PPARGC1A: variants seen among roughly 807,000 people sequenced by gnomAD.
PPARGC1A encodes the protein PPARG coactivator 1 alpha.
PPARGC1A carries 25 observed loss-of-function variants against 88.7 expected under a neutral mutation model. The observed-to-expected ratio is 0.28, with a 90% CI of 0.21 to 0.39. The LOEUF is 0.39. PPARGC1A is among the 10% of genes least tolerant of loss of function. The probability of loss-of-function intolerance (pLI) is 1.00; values close to 1 mark genes in which losing one functional copy is unlikely to be tolerated. For synonymous variants in PPARGC1A, 363 were observed against 355.6 expected (o/e 1.02, Z -0.24); for missense variants, 880 against 968.7 (o/e 0.91, Z 1.22).
At chr4:24,184,445 T>G in the PPARGC1A span, among the ~76,000 whole-genome samples, 1 of 152,226 alleles carries the variant, frequency 6.6e-6, no homozygotes, top group Admixed American at 6.5e-5. Flanking sequence ...CTTTACCAGG[T>G]GCTTAATCCA....
At chr4:23,903,344 AT>A (rs1239033015), upstream of PPARGC1A, among the ~76,000 whole-genome samples, 3 of 152,174 alleles carry the variant, frequency 2.0e-5, no homozygotes, top group Admixed American at 6.5e-5. Context: ...TTTTCCACCT[AT>A]TTTGTGTAAT....
At chr4:23,861,488 A>C (rs1191802929) in intron 2 of PPARGC1A, among the ~76,000 whole-genome samples, 1 of 152,198 alleles carries the variant, frequency 6.6e-6, no homozygotes, top group Non-Finnish European at 1.5e-5. Flanking sequence ...CATAATGTTG[A>C]ACTAGAAACC....
At chr4:24,143,394 T>C in the PPARGC1A span, among the ~76,000 whole-genome samples, 6 of 152,028 alleles carry the variant, frequency 3.9e-5, no homozygotes, top group African/African-American at 1.4e-4. Flanking sequence ...AAGCAATAGC[T>C]GAAATCGAGA....
intron 1 of PPARGC1A, among the ~76,000 whole-genome samples, chr4:23,897,867 T>C (rs1304509649): frequency 1.3e-5 from 2 of 152,176 alleles, no homozygotes; most frequent in African/African-American, 2.4e-5. Flanking sequence ...TTGTTTATCA[T>C]TAATTCTGGA....
upstream of PPARGC1A, among the ~76,000 whole-genome samples, chr4:23,899,729 C>A (rs751634743): frequency 6.6e-6 from 1 of 152,056 alleles, no homozygotes; most frequent in Non-Finnish European, 1.5e-5. Flanking sequence ...TTAACCTAGG[C>A]GGCTGCAAAT....
At chr4:24,149,834 C>T in the PPARGC1A span, among the ~76,000 whole-genome samples, 1 of 152,188 alleles carries the variant, frequency 6.6e-6, no homozygotes, top group Non-Finnish European at 1.5e-5. Flanking sequence ...GAGGGTTCTT[C>T]CTGGCCTTAA....
the PPARGC1A span, among the ~76,000 whole-genome samples, chr4:24,461,035 C>T: frequency 2.6e-4 from 39 of 152,230 alleles, no homozygotes; most frequent in African/African-American, 7.5e-4. Flanking sequence ...GCCATCCTCC[C>T]GCCTCAGCCT....
chr4:23,984,720 A>G, the PPARGC1A span, among the ~76,000 whole-genome samples: 5 of 152,094 alleles, frequency 3.3e-5, no homozygotes, highest in Admixed American at 3.3e-4. Flanking sequence ...CAACATCTTC[A>G]AGTAGATGAG....
chr4:24,413,443 G>A, the PPARGC1A span, among the ~76,000 whole-genome samples: 1 of 152,196 alleles, frequency 6.6e-6, no homozygotes, highest in African/African-American at 2.4e-5. Context: ...CAGGAACACA[G>A]TGGCCAGAAG....
chr4:24,042,651 T>G, the PPARGC1A span, among the ~76,000 whole-genome samples: 1 of 152,318 alleles, frequency 6.6e-6, no homozygotes, highest in Non-Finnish European at 1.5e-5. Context: ...AATAAAAACC[T>G]TAGGTGATGT....
At chr4:24,464,217 G>C in the PPARGC1A span, among the ~76,000 whole-genome samples, 1 of 152,196 alleles carries the variant, frequency 6.6e-6, no homozygotes, top group Non-Finnish European at 1.5e-5. Context: ...ACAATAACCA[G>C]CTACTACTGC....
the PPARGC1A span, among the ~76,000 whole-genome samples, chr4:24,077,066 T>C: frequency 6.6e-6 from 1 of 152,104 alleles, no homozygotes; most frequent in Non-Finnish European, 1.5e-5. Flanking sequence ...TCTCAATATA[T>C]ACCAGCAAAT....
At chr4:23,812,625 T>G in intron 10 of PPARGC1A, 122 bp downstream of exon 10, 2 of 1,475,608 alleles carry the variant, frequency 1.4e-6, no homozygotes, top group Non-Finnish European at 1.8e-6. Flanking sequence ...GCCAAAAGGC[T>G]GAAAATGGCC....
At chr4:23,802,425 A>T in intron 10 of PPARGC1A, 80 bp from the exon 11 acceptor site, 3 of 1,556,584 alleles carry the variant, frequency 1.9e-6, no homozygotes, top group Non-Finnish European at 2.6e-6. Flanking sequence ...CACACCTGTA[A>T]TCCCAGCACT....
chr4:24,051,992 C>T, the PPARGC1A span, among the ~76,000 whole-genome samples: 1 of 147,188 alleles, frequency 6.8e-6, no homozygotes, highest in Admixed American at 6.8e-5. Flanking sequence ...AAGAGAATAA[C>T]TACTCCAGGG....
At chr4:24,443,333 C>T in the PPARGC1A span, among the ~76,000 whole-genome samples, 1 of 151,278 alleles carries the variant, frequency 6.6e-6, no homozygotes, top group Non-Finnish European at 1.5e-5. Flanking sequence ...GTCCAGTGAC[C>T]AGTGAAAGCC....
the PPARGC1A span, among the ~76,000 whole-genome samples, chr4:23,976,942 GGAA>G: frequency 2.0e-5 from 3 of 151,512 alleles, no homozygotes; most frequent in East Asian, 3.9e-4. Flanking sequence ...TTAACAGAAA[GGAA>G]GAAGAAGGAA....
At chr4:23,999,777 A>C in the PPARGC1A span, among the ~76,000 whole-genome samples, 1 of 152,076 alleles carries the variant, frequency 6.6e-6, no homozygotes. Flanking sequence ...AGAAAAAGGC[A>C]CTCTGTGATG....
At chr4:23,798,719 A>AT (rs376573625) in intron 12 of PPARGC1A, among the ~76,000 whole-genome samples, 25 of 151,702 alleles carry the variant, frequency 1.6e-4, no homozygotes, top group African/African-American at 6.0e-4. Flanking sequence ...TTCCCCTCTG[A>AT]TTTTTTTTCG....
Sources: gnomAD v4.1 joint callset for allele counts (sites outside exome capture counted in the v4.1 genomes callset) on GRCh38, gnomAD v4.1.1 for gene constraint, MANE v1.5 for transcripts, NCBI Gene and HGNC (gene_info 2026-07-23, HGNC 2026-07-21) for gene names.